The following LIN9 variants were observed in gnomAD, a reference collection of about 807,000 sequenced individuals.
LIN9 encodes the protein protein lin-9 homolog.
Under a neutral mutation model 78.0 loss-of-function variants are expected in LIN9, and 18 were observed. The observed-to-expected ratio is 0.23, with a 90% CI of 0.16 to 0.34. LIN9 has a LOEUF of 0.34. Among genes scored for constraint, LIN9 ranks in the 10% least tolerant of loss-of-function variants. LIN9 has a pLI of 1.00. For synonymous variants in LIN9, 192 were observed against 215.2 expected (o/e 0.89, Z 0.94); for missense variants, 451 against 644.1 (o/e 0.70, Z 3.25).
At chr1:226,291,009 G>A (rs1339773837) in intron 4 of LIN9, among the ~76,000 whole-genome samples, 3 of 152,056 alleles carry the variant, frequency 2.0e-5, no homozygotes, top group Admixed American at 6.6e-5. Context: ...TGCCCACCTC[G>A]GCCTCCCAAA....
rs1657317382 is a variant in LIN9, at chr1:226,231,341, CTTGT to C, written c.*1156_*1159del. On this transcript the variant is annotated 3_prime_UTR_variant, in exon 15 of 15. Transcript: ENST00000681046. ...ACAAAAATTTCAAATGGAAAATAAT[CTTGT>C]TTCAGTTTTATTATACATTAACATA... 1 of 152,402 alleles carries C rather than the reference CTTGT, an allele frequency of 6.6e-6. No homozygotes were observed. 9.4% of individuals were successfully genotyped at this position (152,402 alleles called of 1,614,324 possible). A position where few individuals can be genotyped will look rare whatever the true frequency, so the allele number is the denominator to read the frequency against.
chr1:226,263,125 G>A (rs369039532), intron 10 of LIN9, among the ~76,000 whole-genome samples: 37 of 152,258 alleles, frequency 2.4e-4, no homozygotes, highest in African/African-American at 8.7e-4. Flanking sequence ...GATTTCCAGG[G>A]GCTCAGGGGA....
intron 4 of LIN9, among the ~76,000 whole-genome samples, chr1:226,288,520 A>G (rs1007934726): frequency 6.6e-6 from 1 of 152,218 alleles, no homozygotes; most frequent in East Asian, 1.9e-4. Context: ...AAACTCAAGA[A>G]AATCAACTGT....
At chr1:226,247,158 T>C (rs1658535784) in intron 11 of LIN9, among the ~76,000 whole-genome samples, 1 of 152,200 alleles carries the variant, frequency 6.6e-6, no homozygotes, top group Admixed American at 6.5e-5. Flanking sequence ...TTAATTTTGA[T>C]TGCTAGAGTT....
At chr1:226,298,886 T>C (rs970331592) in intron 2 of LIN9, among the ~76,000 whole-genome samples, 1 of 152,126 alleles carries the variant, frequency 6.6e-6, no homozygotes, top group Non-Finnish European at 1.5e-5. Flanking sequence ...GGCAAGTCTC[T>C]GTCCCCTCAC....
rs891621106 is a variant in LIN9, at chr1:226,253,697, C to T, written c.1039-2778G>A. Among the ~76,000 whole-genome samples, 7 of 151,932 alleles carry T rather than the reference C, an allele frequency of 4.6e-5. No homozygotes were observed. In the East Asian group the frequency reaches 9.9e-4, roughly 21 times the overall value. ...TTGGGAGGCCAAGGTGGGTGGATCA[C>T]CTGAGGTCAGGAGTTTGAGACCAAC... On this transcript the variant is annotated intron_variant, in intron 10 of 14. Transcript: ENST00000681046.
chr1:226,260,693 G>A (rs753774184), intron 10 of LIN9, among the ~76,000 whole-genome samples: 1 of 131,026 alleles, frequency 7.6e-6, no homozygotes, highest in African/African-American at 3.0e-5. Context: ...CACCCAGGCC[G>A]GAGTGCAGTG....
intron 2 of LIN9, among the ~76,000 whole-genome samples, chr1:226,299,775 T>C (rs141114295): frequency 1.3e-3 from 201 of 152,202 alleles, no homozygotes; most frequent in African/African-American, 4.5e-3. Context: ...AGGTAAAATT[T>C]TAAAGAAACT....
chr1:226,299,768 T>C (rs1662398743), intron 2 of LIN9, among the ~76,000 whole-genome samples: 1 of 152,096 alleles, frequency 6.6e-6, no homozygotes, highest in Non-Finnish European at 1.5e-5. Flanking sequence ...AATCAAGAGG[T>C]AAAATTTTAA....
upstream of LIN9, chr1:226,309,242 G>A (rs1196482221): frequency 7.1e-5 from 96 of 1,360,184 alleles, no homozygotes; most frequent in Non-Finnish European, 8.9e-5. Flanking sequence ...CTCGCTGCCC[G>A]CGGCGCCGCG....
chr1:226,283,163 GTTGCCCAGGC>G (rs1442259974), intron 6 of LIN9, among the ~76,000 whole-genome samples: 1 of 151,586 alleles, frequency 6.6e-6, no homozygotes, highest in Non-Finnish European at 1.5e-5. Context: ...GTCTTGTTCT[GTTGCCCAGGC>G]TTGAGTGCAG....
intron 4 of LIN9, among the ~76,000 whole-genome samples, chr1:226,288,640 A>G (rs1338191303): frequency 6.6e-6 from 1 of 152,236 alleles, no homozygotes; most frequent in Non-Finnish European, 1.5e-5. Context: ...TGGACAGGCC[A>G]TAAGAGTTTA....
rs151031824 is a variant in LIN9 at position 226,299,745 on chromosome 1, C to A, written c.64+1428G>T. Reference sequence around the variant, plus strand: ...TTAGCTTGGTTCCAAATTTATTGACCTACCAGAATCTTAATCAAGAGGTAA... The same window carrying A: ...TTAGCTTGGTTCCAAATTTATTGACATACCAGAATCTTAATCAAGAGGTAA... On this transcript the variant is annotated intron_variant, in intron 2 of 14. Coordinates refer to ENST00000681046, the MANE Select transcript of LIN9 (RefSeq NM_001366245.2). Among the ~76,000 whole-genome samples, 22 of 152,032 alleles carry A rather than the reference C, an allele frequency of 1.4e-4. 1 individual carries two copies. The East Asian group carries it at 3.9e-3, about 27-fold the overall frequency.
At chr1:226,241,580 C>T (rs770871771) in intron 11 of LIN9, among the ~76,000 whole-genome samples, 25 of 152,064 alleles carry the variant, frequency 1.6e-4, no homozygotes, top group African/African-American at 5.6e-4. Flanking sequence ...TGATATAGGC[C>T]GGGTGCGGTG....
rs1006889838 is a variant in LIN9 at position 226,243,601 on chromosome 1, C to G, written c.1120-4505G>C. Among the ~76,000 whole-genome samples the G allele has an allele frequency of 2.8e-5, 4 of 145,290 alleles. No homozygotes were observed. The Admixed American group carries it at 2.9e-4, about 11-fold the overall frequency. The stretch of plus-strand genomic sequence containing the variant: ...ATCCCAGCTACTTGGGAGGTTGAGG[C>G]AGGAGAATCGCTTAAACCCAGGAGG... On this transcript the variant is annotated intron_variant, in intron 11 of 14. Coordinates refer to ENST00000681046, the MANE Select transcript of LIN9 (RefSeq NM_001366245.2).
chr1:226,289,573 G>T (rs902671238), intron 4 of LIN9, among the ~76,000 whole-genome samples: 4 of 151,902 alleles, frequency 2.6e-5, no homozygotes, highest in Non-Finnish European at 5.9e-5. Flanking sequence ...ATGTTACCAG[G>T]TTGGTCCCAA....
chr1:226,265,686 CTTATT>C lies in LIN9; in HGVS notation c.937-57_937-53del, dbSNP rs749665561. ...ATCATTGACTATTCAGAGGAAGTAT[CTTATT>C]TTTTTATTTTTATTTTTTTTTAGAC... On this transcript the variant is annotated intron_variant, in intron 9 of 14. Coordinates refer to ENST00000681046, the MANE Select transcript of LIN9 (RefSeq NM_001366245.2). This position sits in a 1 kb window ranked among gnomAD's most constrained non-coding sequence, Gnocchi z 4.1. 2 of 998,084 alleles carry C rather than the reference CTTATT, an allele frequency of 2.0e-6. No individual in the cohort carries two copies. The highest frequency in any genetic ancestry group is 5.1e-5 in the East Asian group (2 of 38,892). 61.8% of individuals were successfully genotyped at this position (998,084 alleles called of 1,614,324 possible).
chr1:226,241,899 TA>T (rs965276039), intron 11 of LIN9, among the ~76,000 whole-genome samples: 36 of 151,574 alleles, frequency 2.4e-4, no homozygotes, highest in African/African-American at 4.4e-4. Flanking sequence ...TAATGAACCA[TA>T]AAAAAAATTC....
chr1:226,255,079 G>T (rs181301389), intron 10 of LIN9, among the ~76,000 whole-genome samples: 15 of 152,202 alleles, frequency 9.9e-5, no homozygotes, highest in African/African-American at 1.4e-4. Flanking sequence ...CCAGTGCTTG[G>T]GTAGGGAAAA....
Sources: gnomAD v4.1 joint callset for allele counts (sites outside exome capture counted in the v4.1 genomes callset) on GRCh38, gnomAD v4.1.1 for gene constraint, Gnocchi (gnomAD v3.1) non-coding constraint, MANE v1.5 for transcripts, NCBI Gene and HGNC (gene_info 2026-07-23, HGNC 2026-07-21) for gene names.